NAPB: variants seen among roughly 807,000 people sequenced by gnomAD.
NAPB encodes the protein beta-soluble NSF attachment protein.
NAPB carries 26 observed loss-of-function variants against 44.7 expected under a neutral mutation model. That is an observed-to-expected ratio of 0.58 (90% confidence interval 0.43 to 0.81). The LOEUF is 0.81. Ranked by LOEUF, NAPB falls within the 30% of genes least tolerant of loss-of-function variation. The pLI is 0.00. For synonymous variants in NAPB, 120 were observed against 116.8 expected (o/e 1.03, Z -0.18); for missense variants, 315 against 356.4 (o/e 0.88, Z 0.94).
intron 1 of NAPB, among the ~76,000 whole-genome samples, chr20:23,404,040 T>C (rs1343519765): frequency 6.6e-6 from 1 of 152,190 alleles, no homozygotes; most frequent in Non-Finnish European, 1.5e-5. Flanking sequence ...TATACAGTTC[T>C]GCAAAGTTCT....
At chr20:23,390,336 G>T in intron 5 of NAPB, 72 bp from the exon 6 acceptor site, 4 of 1,297,756 alleles carry the variant, frequency 3.1e-6, no homozygotes, top group Non-Finnish European at 4.4e-6. Flanking sequence ...ATTTGCATAG[G>T]TATTTTTCCA....
rs760219407 is a variant in NAPB at position 23,403,110 on chromosome 20, C to T, written c.99-38G>A. 21 of 1,443,904 alleles carry T rather than the reference C, an allele frequency of 1.5e-5. No homozygotes were observed. In the Admixed American group the frequency reaches 3.1e-4, roughly 21 times the overall value. The allele number at this position is 1,443,904 out of a possible 1,614,324, so 89.4% of individuals were successfully genotyped here. On this transcript the variant is annotated intron_variant, in intron 1 of 10. Coordinates refer to ENST00000377026, the MANE Select transcript of NAPB (RefSeq NM_022080.3). ...TAAAAATTAGATTTTTAACAACCAT[C>T]CACATCTCTAATTCTCCCTCCCTCA...
At chr20:23,384,377 C>A (rs1983300698) in intron 7 of NAPB, among the ~76,000 whole-genome samples, 1 of 152,082 alleles carries the variant, frequency 6.6e-6, no homozygotes, top group South Asian at 2.1e-4. Flanking sequence ...GCCTGGGCAA[C>A]ATGGCAAAAC....
chr20:23,377,559 G>C (rs139352539), intron 10 of NAPB, 73 bp from the exon 11 acceptor site: 1 of 866,756 alleles, frequency 1.2e-6, no homozygotes, highest in African/African-American at 1.7e-5. Flanking sequence ...AGTACCCCAA[G>C]CTGTTTATAC....
At chr20:23,389,508 A>C (rs1284524658) in intron 7 of NAPB, among the ~76,000 whole-genome samples, 1 of 152,238 alleles carries the variant, frequency 6.6e-6, no homozygotes, top group Admixed American at 6.5e-5. Context: ...GAAAAACCCC[A>C]AACATCCATA....
intron 1 of NAPB, among the ~76,000 whole-genome samples, chr20:23,410,502 G>A (rs891747909): frequency 6.6e-6 from 1 of 152,182 alleles, no homozygotes; most frequent in African/African-American, 2.4e-5. Context: ...GGATACCCAT[G>A]GGCATAAAAA....
intron 1 of NAPB, among the ~76,000 whole-genome samples, chr20:23,407,086 A>G (rs1011773717): frequency 5.9e-5 from 9 of 152,218 alleles, no homozygotes; most frequent in Non-Finnish European, 8.8e-5. Flanking sequence ...AAGTTCAGTG[A>G]CCTTTGAACT....
At chr20:23,394,116 G>C (rs1039444591) in intron 5 of NAPB, among the ~76,000 whole-genome samples, 4 of 152,182 alleles carry the variant, frequency 2.6e-5, no homozygotes, top group Admixed American at 2.6e-4. Flanking sequence ...CTTAGTGAAA[G>C]GGGTCTAATG....
At chr20:23,379,840 T>C in intron 9 of NAPB, 27 bp downstream of exon 9, 1 of 1,567,786 alleles carries the variant, frequency 6.4e-7, no homozygotes, top group Non-Finnish European at 8.8e-7. Context: ...CAAAAGCATT[T>C]TTCTTCAAAG....
At chr20:23,395,296 G>C (rs1388574281) in intron 3 of NAPB, 111 bp from the exon 4 acceptor site, 1 of 1,134,190 alleles carries the variant, frequency 8.8e-7, no homozygotes, top group Non-Finnish European at 1.3e-6. Context: ...TATAATTTTG[G>C]AGTGGAGGGT....
At chr20:23,420,506 G>A (rs1173780008) in intron 1 of NAPB, among the ~76,000 whole-genome samples, 1 of 152,078 alleles carries the variant, frequency 6.6e-6, no homozygotes, top group Non-Finnish European at 1.5e-5. Context: ...GGGCCCACCT[G>A]CAGGCGGGAC....
intron 1 of NAPB, among the ~76,000 whole-genome samples, chr20:23,410,286 T>G (rs6083119): frequency 0.25 from 37,854 of 152,090 alleles, 5,404 homozygotes; most frequent in Middle Eastern, 0.36. Context: ...AAGAAACCCA[T>G]GAAGTCACAC....
chr20:23,411,040 G>C (rs1985617931), intron 1 of NAPB, among the ~76,000 whole-genome samples: 1 of 152,084 alleles, frequency 6.6e-6, no homozygotes, highest in South Asian at 2.1e-4. Flanking sequence ...AAACAGCCAA[G>C]AGAACAAAAA....
At chr20:23,420,195 G>C (rs1344876829) in intron 1 of NAPB, among the ~76,000 whole-genome samples, 2 of 152,034 alleles carry the variant, frequency 1.3e-5, no homozygotes, top group South Asian at 2.1e-4. Flanking sequence ...CTGTCAGTGC[G>C]GGCTCTGCTT....
Position 23,390,267 on chromosome 20 carries a change from GA to G in NAPB, c.421-4del. On this transcript the variant is annotated splice_region_variant and splice_polypyrimidine_tract_variant and intron_variant, in intron 5 of 10. Coordinates refer to ENST00000377026, the MANE Select transcript of NAPB (RefSeq NM_022080.3). ...GATTGTTCATAATGTGCAATAGCCT[GA>G]AAACATACATATTTTATTCACACAC... The G allele has an allele frequency of 6.2e-7, 1 of 1,606,180 alleles. No individual in the cohort carries two copies. The highest frequency in any genetic ancestry group is 8.5e-7 in the Non-Finnish European group (1 of 1,173,066).
At chr20:23,380,829 T>C in intron 8 of NAPB, 1 of 158,184 alleles carries the variant, frequency 6.3e-6, no homozygotes, top group Admixed American at 6.3e-5. Context: ...CTGGCCCCCT[T>C]AATTTCTTTA....
chr20:23,389,106 T>C (rs1983744595), intron 7 of NAPB, among the ~76,000 whole-genome samples: 1 of 151,908 alleles, frequency 6.6e-6, no homozygotes, highest in South Asian at 2.1e-4. Context: ...AATAGACATT[T>C]CTCCAAAGAT....
chr20:23,398,922 G>C (rs1201103536), intron 2 of NAPB, among the ~76,000 whole-genome samples: 2 of 122,930 alleles, frequency 1.6e-5, no homozygotes, highest in Non-Finnish European at 3.1e-5. Flanking sequence ...TTGAACTTCT[G>C]GGCTCAAGCA....
chr20:23,419,679 C>T (rs1413036353), intron 1 of NAPB, among the ~76,000 whole-genome samples: 3 of 152,208 alleles, frequency 2.0e-5, no homozygotes, highest in Admixed American at 1.3e-4. Flanking sequence ...GGCGCTAGCA[C>T]TTGATGGTAC....
Sources: gnomAD v4.1 joint callset for allele counts (sites outside exome capture counted in the v4.1 genomes callset) on GRCh38, gnomAD v4.1.1 for gene constraint, MANE v1.5 for transcripts, NCBI Gene and HGNC (gene_info 2026-07-23, HGNC 2026-07-21) for gene names.